The following RNF125 variants were observed in gnomAD, a reference collection of about 807,000 sequenced individuals.
The protein encoded by RNF125 is ring finger protein 125.
Under a neutral mutation model 26.0 loss-of-function variants are expected in RNF125, and 21 were observed. The ratio of observed to expected loss-of-function variants is 0.81; its 90% CI spans 0.57 to 1.16. RNF125 has a LOEUF of 1.16. RNF125 is among the 50% of genes most tolerant of loss of function. The probability of loss-of-function intolerance (pLI) is 0.00; values close to 1 mark genes in which losing one functional copy is unlikely to be tolerated. For synonymous variants in RNF125, 95 were observed against 109.2 expected, an observed-to-expected ratio of 0.87 and a Z score of 0.81; for missense variants, 270 against 299.4, an observed-to-expected ratio of 0.90 and a Z score of 0.72.
chr18:32,063,539 C>T (rs1421986346), intron 4 of RNF125, among the ~76,000 whole-genome samples: 1 of 151,470 alleles, frequency 6.6e-6, no homozygotes, highest in African/African-American at 2.5e-5. Context: ...TAAACATATA[C>T]TTATCATATA....
At chr18:32,048,291 T>TG (rs1317780841) in intron 4 of RNF125, among the ~76,000 whole-genome samples, 16 of 144,692 alleles carry the variant, frequency 1.1e-4, no homozygotes, top group African/African-American at 4.1e-4. Context: ...CCGGGTGTGG[T>TG]GGGGGGCACC....
At chr18:32,031,884 C>T (rs573645207) in intron 1 of RNF125, among the ~76,000 whole-genome samples, 4 of 152,182 alleles carry the variant, frequency 2.6e-5, no homozygotes, top group African/African-American at 7.2e-5. Context: ...TTAAGACCAA[C>T]CAAGTTCAAG....
At chr18:32,053,963 G>A (rs1261272688) in intron 4 of RNF125, among the ~76,000 whole-genome samples, 1 of 151,958 alleles carries the variant, frequency 6.6e-6, no homozygotes. Context: ...CTCCATTTCT[G>A]TGGCTTTGGT....
intron 4 of RNF125, among the ~76,000 whole-genome samples, chr18:32,059,267 A>G (rs932914947): frequency 6.6e-6 from 1 of 152,192 alleles, no homozygotes; most frequent in Non-Finnish European, 1.5e-5. Flanking sequence ...TTTTCTCCAC[A>G]TCCTCGTCAG....
At chr18:32,040,415 G>T (rs1373629042) in intron 2 of RNF125, among the ~76,000 whole-genome samples, 1 of 151,810 alleles carries the variant, frequency 6.6e-6, no homozygotes, top group Non-Finnish European at 1.5e-5. Flanking sequence ...GGGACTATAG[G>T]TGCACACCAC....
intron 1 of RNF125, among the ~76,000 whole-genome samples, chr18:32,024,942 G>C (rs1013652195): frequency 6.6e-6 from 1 of 152,104 alleles, no homozygotes; most frequent in Non-Finnish European, 1.5e-5. Context: ...AATTAGCCGG[G>C]CATGGTGGCG....
chr18:32,085,327 C>T, the RNF125 span, among the ~76,000 whole-genome samples: 3 of 151,150 alleles, frequency 2.0e-5, no homozygotes, highest in Non-Finnish European at 4.4e-5. Flanking sequence ...AAAGTGCAGC[C>T]TCACAGAAGC....
At chr18:32,054,929 T>C (rs1029121282) in intron 4 of RNF125, among the ~76,000 whole-genome samples, 1 of 152,206 alleles carries the variant, frequency 6.6e-6, no homozygotes, top group Non-Finnish European at 1.5e-5. Context: ...AAAGTATATA[T>C]TTTATTCCTA....
intron 5 of RNF125, among the ~76,000 whole-genome samples, chr18:32,067,158 C>G (rs539623551): frequency 1.2e-4 from 18 of 152,306 alleles, no homozygotes; most frequent in Admixed American, 9.2e-4. Context: ...GAGGCTGAGG[C>G]AGGAGAATGG....
chr18:32,051,878 T>TG (rs2039332222), intron 4 of RNF125, among the ~76,000 whole-genome samples: 1 of 151,350 alleles, frequency 6.6e-6, no homozygotes, highest in South Asian at 2.1e-4. Flanking sequence ...TTAGTAGAGT[T>TG]GGGGTTTCAC....
Position 32,019,617 on chromosome 18 carries a change from A to C in RNF125, c.164+590A>C, listed in dbSNP as rs1268486444. 2.0e-5 allele frequency among the ~76,000 whole-genome samples: 3 copies of C among 151,990 alleles called. No homozygotes were observed. The South Asian group carries it at 6.2e-4, about 32-fold the overall frequency. On this transcript the variant is annotated intron_variant, in intron 1 of 5. Transcript: ENST00000217740. ...CACCCCTGCTACCCTTTCCCAACAC[A>C]GACACCCAGCCCCTCAAAGGGCAAG...
chr18:32,019,174 A>T, intron 1 of RNF125, 147 bp downstream of exon 1: 1 of 938,960 alleles, frequency 1.1e-6, no homozygotes, highest in Non-Finnish European at 1.6e-6. Context: ...CGGATGCAGG[A>T]CCACGGGGAA....
chr18:32,051,446 G>A (rs639116), intron 4 of RNF125, among the ~76,000 whole-genome samples: 1 of 151,582 alleles, frequency 6.6e-6, no homozygotes, highest in East Asian at 2.0e-4. Flanking sequence ...GCAAAACCCC[G>A]TCTCTACTAA....
intron 2 of RNF125, 76 bp downstream of exon 2, chr18:32,037,345 C>A: frequency 3.7e-5 from 25 of 670,786 alleles, no homozygotes; most frequent in Non-Finnish European, 5.7e-5. Flanking sequence ...ACCTCTGCTT[C>A]TGACCCCATG....
At chr18:32,024,155 G>A (rs956805030) in intron 1 of RNF125, among the ~76,000 whole-genome samples, 5 of 125,140 alleles carry the variant, frequency 4.0e-5, no homozygotes, top group Non-Finnish European at 8.4e-5. Flanking sequence ...GACACAATTC[G>A]TTTTCCATTA....
intron 4 of RNF125, among the ~76,000 whole-genome samples, chr18:32,050,586 A>G (rs1375046000): frequency 2.0e-5 from 3 of 151,544 alleles, no homozygotes; most frequent in Non-Finnish European, 4.4e-5. Context: ...CTATCCTCCC[A>G]CCTTGGCTTC....
At chr18:32,021,051 TAAAG>T (rs1328737663) in intron 1 of RNF125, among the ~76,000 whole-genome samples, 3 of 152,206 alleles carry the variant, frequency 2.0e-5, no homozygotes, top group Non-Finnish European at 4.4e-5. Context: ...AATGTATAAA[TAAAG>T]AGTGCTTTGG....
chr18:32,073,778 G>C (rs1430089960), downstream of RNF125, among the ~76,000 whole-genome samples: 2 of 152,178 alleles, frequency 1.3e-5, no homozygotes, highest in Non-Finnish European at 2.9e-5. Flanking sequence ...CCTGTTTGCT[G>C]AGTGACGTTC....
At chr18:32,023,038 A>G (rs903958199) in intron 1 of RNF125, among the ~76,000 whole-genome samples, 3 of 151,998 alleles carry the variant, frequency 2.0e-5, no homozygotes, top group Admixed American at 6.6e-5. Flanking sequence ...GCTGCAGTGT[A>G]GTGGTGCAAT....
Sources: allele counts gnomAD v4.1 joint callset (sites outside exome capture counted in the v4.1 genomes callset), GRCh38; gene constraint gnomAD v4.1.1; transcripts MANE v1.5; gene names NCBI Gene and HGNC (gene_info 2026-07-23, HGNC 2026-07-21).